The following AP1M1 variants were observed in gnomAD, a reference collection of about 807,000 sequenced individuals.
AP1M1 encodes adaptor related protein complex 1 subunit mu 1, also known as AP-1 complex subunit mu-1.
AP1M1 carries 18 observed loss-of-function variants against 57.1 expected under a neutral mutation model. The observed-to-expected ratio is 0.32, with a 90% confidence interval of 0.22 to 0.47. The LOEUF is 0.47. Among genes scored for constraint, AP1M1 ranks in the 20% least tolerant of loss-of-function variants. The probability of loss-of-function intolerance (pLI) is 1.00; values close to 1 mark genes in which losing one functional copy is unlikely to be tolerated. For missense variants in AP1M1, 362 were observed against 593.5 expected (o/e 0.61, Z 4.05); for synonymous variants, 241 against 237.9 (o/e 1.01, Z -0.12).
At position 16,236,394 on chromosome 19, in the gene AP1M1, A is replaced by AC. The variant is rs1476144233; in HGVS notation, c.*1962dup. ...GCCGTGCCCATAAAAAAGCAAGGAGACCCACAGGAGCCCAAGACGAAGGAA... is the reference window on the plus strand; with the variant it reads ...GCCGTGCCCATAAAAAAGCAAGGAGACCCCACAGGAGCCCAAGACGAAGGAA... On this transcript the variant is annotated 3_prime_UTR_variant, in exon 12 of 12. Coordinates refer to ENST00000291439, the MANE Select transcript of AP1M1 (RefSeq NM_032493.4). 6.6e-6 allele frequency: 1 copy of AC among 152,140 alleles called. No homozygotes were observed. Among genetic ancestry groups the AC allele is most frequent in the Admixed American group, 6.6e-5 (1 of 15,256 alleles). 9.4% of individuals were successfully genotyped at this position (152,140 alleles called of 1,614,324 possible).
chr19:16,215,677 G>A (rs1011670545), intron 5 of AP1M1, among the ~76,000 whole-genome samples: 1 of 151,752 alleles, frequency 6.6e-6, no homozygotes, highest in Non-Finnish European at 1.5e-5. Context: ...ATTTTGCAGG[G>A]GTTCTCTGCA....
At chr19:16,208,857 C>T in intron 4 of AP1M1, 173 bp from the exon 5 acceptor site, 1 of 679,584 alleles carries the variant, frequency 1.5e-6, no homozygotes, top group Non-Finnish European at 2.4e-6. Context: ...ATGAAGCAGC[C>T]CCAGGTGAAC....
At chr19:16,214,042 T>C (rs1441551015) in intron 5 of AP1M1, among the ~76,000 whole-genome samples, 2 of 110,066 alleles carry the variant, frequency 1.8e-5, no homozygotes, top group Admixed American at 2.0e-4. Context: ...TGGCCTTTTC[T>C]TTCCTTTTTC....
At chr19:16,229,465 G>A (rs1324261612) in intron 9 of AP1M1, among the ~76,000 whole-genome samples, 1 of 152,220 alleles carries the variant, frequency 6.6e-6, no homozygotes, top group Non-Finnish European at 1.5e-5. Flanking sequence ...CTTGCCGGGT[G>A]TACACAGTGC....
intron 5 of AP1M1, among the ~76,000 whole-genome samples, chr19:16,221,729 T>A (rs2091545234): frequency 1.3e-5 from 2 of 152,368 alleles, no homozygotes; most frequent in South Asian, 4.1e-4. Context: ...CTAACACTTA[T>A]GATTTATTCT....
intron 5 of AP1M1, among the ~76,000 whole-genome samples, chr19:16,216,393 C>T (rs998488734): frequency 2.0e-5 from 3 of 151,222 alleles, no homozygotes; most frequent in Non-Finnish European, 4.4e-5. Flanking sequence ...TGCAGTGAGC[C>T]GAGATTGCAC....
chr19:16,234,143 G>A (rs1208776339), intron 10 of AP1M1, 56 bp from the exon 11 acceptor site: 2 of 1,544,712 alleles, frequency 1.3e-6, no homozygotes, highest in Non-Finnish European at 1.8e-6. Context: ...AAGATTAAGG[G>A]GGGACCAACA....
chr19:16,212,843 T>C (rs1031172324), intron 5 of AP1M1, among the ~76,000 whole-genome samples: 6 of 152,240 alleles, frequency 3.9e-5, no homozygotes, highest in Non-Finnish European at 7.3e-5. Flanking sequence ...TGCCTTAATT[T>C]CATTATTTAC....
chr19:16,209,991 C>T (rs926441926), intron 5 of AP1M1, among the ~76,000 whole-genome samples: 2 of 152,206 alleles, frequency 1.3e-5, no homozygotes, highest in African/African-American at 2.4e-5. Context: ...CTCCCCTCTT[C>T]CCCATTTCCT....
intron 5 of AP1M1, among the ~76,000 whole-genome samples, chr19:16,213,784 T>G (rs1217772956): frequency 6.6e-6 from 1 of 152,176 alleles, no homozygotes; most frequent in Non-Finnish European, 1.5e-5. Context: ...CATGAGCCAC[T>G]GCACCCAGCC....
At chr19:16,199,394 TCTC>T (rs1273972202) in intron 1 of AP1M1, among the ~76,000 whole-genome samples, 3 of 152,122 alleles carry the variant, frequency 2.0e-5, no homozygotes, top group African/African-American at 7.2e-5. Context: ...TCCTCTGCCT[TCTC>T]CTAAGTCCAT....
At chr19:16,230,758 G>A (rs1188221822) in intron 9 of AP1M1, among the ~76,000 whole-genome samples, 2 of 152,130 alleles carry the variant, frequency 1.3e-5, no homozygotes, top group Non-Finnish European at 2.9e-5. Context: ...TTGCCTAACT[G>A]TGCTATGTGC....
In AP1M1 at chr19:16,203,329, CTTTTGCGG is replaced by C. The variant is rs1947050212; in HGVS notation, c.43-129_43-122del. 3 of 896,892 alleles carry C rather than the reference CTTTTGCGG, an allele frequency of 3.3e-6. No individual in the cohort carries two copies. The highest frequency in any genetic ancestry group is 5.2e-6 in the Non-Finnish European group (3 of 575,286). 55.6% of individuals were successfully genotyped at this position (896,892 alleles called of 1,614,324 possible). On this transcript the variant is annotated intron_variant, in intron 1 of 11. Coordinates refer to ENST00000291439, the MANE Select transcript of AP1M1 (RefSeq NM_032493.4). This position sits in a 1 kb window ranked among gnomAD's most constrained non-coding sequence, Gnocchi z 4.6. ...GATCAGAACGGCCTCAAGTCCTGCT[CTTTTGCGG>C]ATAGTGGCCATGACCGGAGTCCCCA...
At position 16,227,299 on chromosome 19, in the gene AP1M1, C is replaced by T. The variant is rs1217972796; in HGVS notation, c.674-249C>T. ...TCCTGAGCAGGTCCCCTGGCTGGGCCCTGGGATGGCCGCTGGGGACTCAGC... is the reference window on the plus strand; with the variant it reads ...TCCTGAGCAGGTCCCCTGGCTGGGCTCTGGGATGGCCGCTGGGGACTCAGC... On this transcript the variant is annotated intron_variant, in intron 6 of 11. Transcript: ENST00000291439. The surrounding 1 kb of genome is among the most constrained non-coding windows in gnomAD (Gnocchi z 6.2). Among the ~76,000 whole-genome samples the T allele has an allele frequency of 4.7e-5, 5 of 105,456 alleles. No homozygotes were observed. Among genetic ancestry groups the T allele is most frequent in the Non-Finnish European group, 2.7e-5 (1 of 37,734 alleles). The allele number at this position is 105,456 out of a possible 152,430, so 69.2% of individuals were successfully genotyped here.
In AP1M1 at chr19:16,239,405, C is replaced by T. The variant is rs2091637369; in HGVS notation, c.*4970C>T. On this transcript the variant is annotated 3_prime_UTR_variant, in exon 12 of 12. Coordinates refer to ENST00000291439, the MANE Select transcript of AP1M1 (RefSeq NM_032493.4). ...TGGGCAACATAGTGAGACCCTGTCT[C>T]TAAAACAAACCAACAAAACACCCCC... The T allele has an allele frequency of 6.6e-6, 1 of 151,278 alleles. No homozygotes were observed. Among genetic ancestry groups the T allele is most frequent in the African/African-American group, 2.4e-5 (1 of 41,130 alleles). 9.4% of individuals were successfully genotyped at this position (151,278 alleles called of 1,614,324 possible).
Position 16,207,073 on chromosome 19 carries a change from C to G in AP1M1, c.267+665C>G, listed in dbSNP as rs533618543. Among the ~76,000 whole-genome samples, 21 of 152,308 alleles carry G rather than the reference C, an allele frequency of 1.4e-4. No homozygotes were observed. Among genetic ancestry groups the G allele is most frequent in the African/African-American group, 5.1e-4 (21 of 41,568 alleles). ...GTTTGATCTAAAGCAGCCTCTCTGG[C>G]TGCTGAGCAGAAGGAGGACTTGAGG... On this transcript the variant is annotated intron_variant, in intron 3 of 11. Transcript: ENST00000291439. The surrounding 1 kb of genome is among the most constrained non-coding windows in gnomAD (Gnocchi z 4.2).
Position 16,234,861 on chromosome 19 carries a change from G to A in AP1M1, c.*426G>A, listed in dbSNP as rs572026314. 1.6e-4 allele frequency: 46 copies of A among 293,476 alleles called. No homozygotes were observed. In the East Asian group the frequency reaches 2.0e-3, roughly 13 times the overall value. The allele number at this position is 293,476 out of a possible 1,614,324, so 18.2% of individuals were successfully genotyped here. On this transcript the variant is annotated 3_prime_UTR_variant, in exon 12 of 12. Transcript: ENST00000291439. ...TCGTTTTGTTGCCATTTTGTTGAAC[G>A]TTATGGGTTTATGGGTGTTCCTGGA...
rs1555726381 is a variant in AP1M1, at chr19:16,240,270, G to GTA, written c.*5836_*5837insAT. 114 of 17,046 alleles carry GTA rather than the reference G, an allele frequency of 6.7e-3. No homozygotes were observed. Among genetic ancestry groups the GTA allele is most frequent in the African/African-American group, 0.016 (109 of 6,994 alleles). 1.1% of individuals were successfully genotyped at this position (17,046 alleles called of 1,614,324 possible). A position where few individuals can be genotyped will look rare whatever the true frequency, so the allele number is the denominator to read the frequency against. ...TGTGTGTGTGTGTGTGTGTGTGTGT[G>GTA]TGTATGTGTGTGTGTGTGTGTGTGT... is the stretch of plus-strand genomic sequence containing the variant. On this transcript the variant is annotated 3_prime_UTR_variant, in exon 12 of 12. Coordinates refer to ENST00000291439, the MANE Select transcript of AP1M1 (RefSeq NM_032493.4).
chr19:16,242,864 C>T lies in AP1M1; in HGVS notation c.*8429C>T, dbSNP rs1423107869. 6.6e-6 allele frequency: 1 copy of T among 152,212 alleles called. No homozygotes were observed. Among genetic ancestry groups the T allele is most frequent in the Non-Finnish European group, 1.5e-5 (1 of 68,044 alleles). 9.4% of individuals were successfully genotyped at this position (152,212 alleles called of 1,614,324 possible). A position where few individuals can be genotyped will look rare whatever the true frequency, so the allele number is the denominator to read the frequency against. On this transcript the variant is annotated 3_prime_UTR_variant, in exon 12 of 12. Transcript: ENST00000291439. The stretch of plus-strand genomic sequence containing the variant: ...CGCCTCCCGGGTTCAAGTGATTCTC[C>T]TGCCTCAGTCTCCTCAGTAGCTGGG...
Sources: allele counts gnomAD v4.1 joint callset (sites outside exome capture counted in the v4.1 genomes callset), GRCh38; gene constraint gnomAD v4.1.1; non-coding constraint Gnocchi (gnomAD v3.1); transcripts MANE v1.5; gene names NCBI Gene and HGNC (gene_info 2026-07-23, HGNC 2026-07-21).